The following DNAH9 variants were observed in gnomAD, a reference collection of about 807,000 sequenced individuals.
The protein encoded by DNAH9 is DNAH9 variant protein.
DNAH9 carries 345 observed loss-of-function variants against 471.6 expected under a neutral mutation model. The observed-to-expected ratio is 0.73, with a 90% confidence interval of 0.67 to 0.80. The LOEUF (loss-of-function observed/expected upper bound fraction) is 0.80. Among genes scored for constraint, DNAH9 ranks in the 30% least tolerant of loss-of-function variants. The pLI, the probability that DNAH9 is intolerant of heterozygous loss-of-function variation, is 0.00. For synonymous variants in DNAH9, 2,093 were observed against 2,123.6 expected (o/e 0.99, Z 0.40); for missense variants, 5,407 against 5,609.2 (o/e 0.96, Z 1.15).
At chr17:11,958,552 T>G (rs763336979) in intron 67 of DNAH9, among the ~76,000 whole-genome samples, 2 of 152,140 alleles carry the variant, frequency 1.3e-5, no homozygotes, top group Non-Finnish European at 2.9e-5. Context: ...GGGCAAACCC[T>G]ACGGTAAACT....
intron 15 of DNAH9, among the ~76,000 whole-genome samples, chr17:11,665,896 C>A (rs560913989): frequency 1.3e-5 from 2 of 152,174 alleles, no homozygotes; most frequent in Non-Finnish European, 2.9e-5. Context: ...CATGCAGACA[C>A]CTACGTTGAG....
chr17:11,957,449 A>G (rs1975703066), intron 67 of DNAH9, among the ~76,000 whole-genome samples: 1 of 152,106 alleles, frequency 6.6e-6, no homozygotes, highest in African/African-American at 2.4e-5. Context: ...CAGAAGAAAC[A>G]TAAGACTCTG....
rs1276639778 is a variant in DNAH9 at position 11,840,413 on chromosome 17, TTATC to T, written c.9507+5519_9507+5522del. 2.0e-5 allele frequency among the ~76,000 whole-genome samples: 3 copies of T among 152,352 alleles called. No individual in the cohort carries two copies. In the East Asian group the frequency reaches 5.8e-4, roughly 29 times the overall value. On this transcript the variant is annotated intron_variant, in intron 49 of 68. Coordinates refer to ENST00000262442, the MANE Select transcript of DNAH9 (RefSeq NM_001372.4). Reference sequence around the variant, plus strand: ...ATAGTACTGCATTCTATTTAATTATTTATCTATTTTTGAGCATTTAGTTTACTTT... The same window carrying T: ...ATAGTACTGCATTCTATTTAATTATTTATTTTTGAGCATTTAGTTTACTTT...
intron 4 of DNAH9, among the ~76,000 whole-genome samples, chr17:11,615,005 A>C (rs1430095339): frequency 1.3e-5 from 2 of 152,178 alleles, no homozygotes; most frequent in Non-Finnish European, 2.9e-5. Flanking sequence ...CACACAAAGA[A>C]GGGCTGTCTG....
intron 60 of DNAH9, 126 bp from the exon 61 acceptor site, chr17:11,905,535 C>T: frequency 3.0e-6 from 3 of 1,014,096 alleles, no homozygotes; most frequent in South Asian, 1.7e-5. Flanking sequence ...CCAGTCCTAG[C>T]TCTATAACTA....
intron 49 of DNAH9, among the ~76,000 whole-genome samples, chr17:11,847,013 T>C (rs1014266182): frequency 6.6e-6 from 1 of 152,136 alleles, no homozygotes; most frequent in South Asian, 2.1e-4. Context: ...TCCTGCCTAA[T>C]TGCCCTGGCC....
intron 35 of DNAH9, among the ~76,000 whole-genome samples, chr17:11,762,872 C>G (rs892368961): frequency 6.7e-6 from 1 of 149,896 alleles, no homozygotes; most frequent in East Asian, 2.0e-4. Flanking sequence ...CTCCGCCTCC[C>G]GGGTTCACGC....
chr17:11,933,904 C>A lies in DNAH9; in HGVS notation c.12322C>A (p.Leu4108Met), dbSNP rs767628301. The change falls in exon 65 of 69, where the codon CTG becomes ATG. Residue 4108 changes from leucine (L) to methionine (M), a missense_variant. By Grantham distance (15) the Leu-to-Met change is conservative. Transcript: ENST00000262442. ...GGTCCCCTATGATGATTTGCGCTAC[C>A]TGTTTGGAGAGATCATGTATGGAGG... ...AKVPYDDLRY[L>M]FGEIMYGGHI... The A allele has an allele frequency of 2.5e-6, 4 of 1,613,536 alleles. No homozygotes were observed. In the Admixed American group the frequency reaches 6.7e-5, roughly 27 times the overall value.
chr17:11,720,532 CAAAT>C (rs1307622995), intron 27 of DNAH9, among the ~76,000 whole-genome samples: 1 of 151,934 alleles, frequency 6.6e-6, no homozygotes, highest in Non-Finnish European at 1.5e-5. Flanking sequence ...GGATGACATG[CAAAT>C]AAATTTGCAG....
chr17:11,867,173 A>C lies in DNAH9; in HGVS notation c.9934-1961A>C, dbSNP rs544226880. Among the ~76,000 whole-genome samples, 6 of 152,306 alleles carry C rather than the reference A, an allele frequency of 3.9e-5. No homozygotes were observed. In the South Asian group the frequency reaches 1.2e-3, roughly 32 times the overall value. ...TATTCAGCCATCTTGGCTCCTCTCC[A>C]TTCTTTTTTTATATGGTGTTTGGCA... is the stretch of plus-strand genomic sequence containing the variant. On this transcript the variant is annotated intron_variant, in intron 50 of 68. Transcript: ENST00000262442.
intron 48 of DNAH9, among the ~76,000 whole-genome samples, chr17:11,823,425 C>CA (rs2150942528): frequency 6.6e-6 from 1 of 152,284 alleles, no homozygotes; most frequent in South Asian, 2.1e-4. Flanking sequence ...TTTTCCTCTC[C>CA]AATTCACTTC....
chr17:11,773,044 C>A (rs1376050707), intron 38 of DNAH9, among the ~76,000 whole-genome samples: 2 of 152,164 alleles, frequency 1.3e-5, no homozygotes, highest in Non-Finnish European at 2.9e-5. Flanking sequence ...AAAGTGACAG[C>A]TAGAAACCAG....
chr17:11,680,935 C>T, intron 19 of DNAH9, 46 bp downstream of exon 19: 1 of 1,524,522 alleles, frequency 6.6e-7, no homozygotes, highest in Non-Finnish European at 8.9e-7. Flanking sequence ...ACACTGCAGT[C>T]TTTGAGTCAT....
intron 19 of DNAH9, 117 bp downstream of exon 19, chr17:11,681,006 T>A (rs1415344436): frequency 2.0e-6 from 2 of 993,082 alleles, no homozygotes; most frequent in East Asian, 5.3e-5. Flanking sequence ...TTAATAATCT[T>A]CCTTCCCATT....
intron 1 of DNAH9, among the ~76,000 whole-genome samples, chr17:11,601,984 G>T (rs1027577147): frequency 6.6e-6 from 1 of 152,146 alleles, no homozygotes; most frequent in Admixed American, 6.5e-5. Flanking sequence ...AGGAAAATGT[G>T]CCTAAGAAAT....
At chr17:11,694,022 T>C in intron 21 of DNAH9, 24 bp downstream of exon 21, 1 of 1,608,494 alleles carries the variant, frequency 6.2e-7, no homozygotes, top group East Asian at 2.2e-5. Context: ...CATTACCCCT[T>C]CTCTAATAAG....
rs141209322 is a variant in DNAH9, at chr17:11,679,298, T to C, written c.3354-459T>C. ...CATTTATGCATTGCCAGCAAACACC[T>C]CTTGGAAGCTTTTTCTATGCTTCTT... On this transcript the variant is annotated intron_variant, in intron 17 of 68. Coordinates refer to ENST00000262442, the MANE Select transcript of DNAH9 (RefSeq NM_001372.4). Among the ~76,000 whole-genome samples the C allele has an allele frequency of 4.1e-3, 626 of 152,334 alleles. 2 individuals carry two copies. The highest frequency in any genetic ancestry group is 0.014 in the African/African-American group (583 of 41,582).
intron 59 of DNAH9, among the ~76,000 whole-genome samples, chr17:11,897,294 G>C (rs979845469): frequency 2.0e-5 from 3 of 152,152 alleles, no homozygotes; most frequent in African/African-American, 7.2e-5. Context: ...TTTGTATTGA[G>C]ATTCCATAAA....
chr17:11,756,474 C>A, intron 33 of DNAH9, 94 bp from the exon 34 acceptor site: 1 of 765,688 alleles, frequency 1.3e-6, no homozygotes, highest in Non-Finnish European at 2.3e-6. Flanking sequence ...TCTCCATAAT[C>A]CCAACCAAAC....
Sources: allele counts gnomAD v4.1 joint callset (sites outside exome capture counted in the v4.1 genomes callset), GRCh38; gene constraint gnomAD v4.1.1; transcripts MANE v1.5; gene names NCBI Gene and HGNC (gene_info 2026-07-23, HGNC 2026-07-21).